CDH13: variants seen among roughly 807,000 people sequenced by gnomAD.
CDH13 encodes cadherin 13, also known as cadherin-13.
Under a neutral mutation model 63.8 loss-of-function variants are expected in CDH13, and 24 were observed. The ratio of observed to expected loss-of-function variants is 0.38; its 90% CI spans 0.27 to 0.53. The LOEUF is 0.53. CDH13 is among the 20% of genes least tolerant of loss of function. The probability of loss-of-function intolerance (pLI) is 0.85; values close to 1 mark genes in which losing one functional copy is unlikely to be tolerated. For synonymous variants in CDH13, 503 were observed against 355.3 expected (o/e 1.42, Z -4.67); for missense variants, 1,049 against 903.1 (o/e 1.16, Z -2.07).
At chr16:83,714,460 G>A (rs2150927580) in intron 10 of CDH13, among the ~76,000 whole-genome samples, 1 of 152,270 alleles carries the variant, frequency 6.6e-6, no homozygotes, top group South Asian at 2.1e-4. Flanking sequence ...TTTCATTAGG[G>A]CATTTGGTAA....
At chr16:83,067,959 C>T (rs1372988236) in intron 3 of CDH13, among the ~76,000 whole-genome samples, 1 of 152,124 alleles carries the variant, frequency 6.6e-6, no homozygotes, top group South Asian at 2.1e-4. Flanking sequence ...CTTAAGAAGC[C>T]TTCACCCTCA....
chr16:83,579,181 T>C (rs1009567119), intron 7 of CDH13, among the ~76,000 whole-genome samples: 2 of 152,220 alleles, frequency 1.3e-5, no homozygotes, highest in African/African-American at 4.8e-5. Flanking sequence ...ATGCCCACTC[T>C]ACCTCACTGT....
At chr16:83,279,637 A>G (rs932501877) in intron 5 of CDH13, among the ~76,000 whole-genome samples, 4 of 152,198 alleles carry the variant, frequency 2.6e-5, no homozygotes, top group Admixed American at 6.5e-5. Context: ...AGTTGAGACA[A>G]TCGGCTATAC....
intron 2 of CDH13, 129 bp downstream of exon 2, chr16:82,858,602 G>A: frequency 2.7e-6 from 2 of 743,988 alleles, no homozygotes; most frequent in Non-Finnish European, 4.7e-6. Context: ...TTATGTCACT[G>A]CTTGACCCAA....
At chr16:83,052,773 T>C (rs56089750) in intron 3 of CDH13, among the ~76,000 whole-genome samples, 72,724 of 107,616 alleles carry the variant, frequency 0.68, 23,215 homozygotes, top group East Asian at 0.87. Context: ...CGAGACTTTA[T>C]CTCAAAAAAA....
At chr16:83,296,035 G>C (rs917593198) in intron 5 of CDH13, among the ~76,000 whole-genome samples, 7 of 152,174 alleles carry the variant, frequency 4.6e-5, no homozygotes, top group Admixed American at 4.6e-4. Flanking sequence ...GTCATTGAAT[G>C]AAATCTCTGT....
intron 6 of CDH13, among the ~76,000 whole-genome samples, chr16:83,384,849 C>G (rs2091641542): frequency 6.6e-6 from 1 of 152,240 alleles, no homozygotes; most frequent in Non-Finnish European, 1.5e-5. Flanking sequence ...TCATTTCCAT[C>G]TATTATATAC....
At chr16:83,151,211 A>G (rs574803569) in intron 4 of CDH13, among the ~76,000 whole-genome samples, 1 of 152,224 alleles carries the variant, frequency 6.6e-6, no homozygotes, top group Non-Finnish European at 1.5e-5. Context: ...AGAGAGACAG[A>G]CACATAATTG....
intron 6 of CDH13, among the ~76,000 whole-genome samples, chr16:83,465,851 T>C (rs2073301202): frequency 6.6e-6 from 1 of 152,240 alleles, no homozygotes; most frequent in Non-Finnish European, 1.5e-5. Flanking sequence ...TATTCTCTCT[T>C]ACTTCCATGC....
In CDH13 at chr16:83,225,105, G is replaced by C. The variant is rs189325179; in HGVS notation, c.636+7608G>C. ...AGGCCTGCTGGATCAGAAACTCTCGGGGTGGGTCTCTCCATCTGGGTTTTA... is the reference window on the plus strand; with the variant it reads ...AGGCCTGCTGGATCAGAAACTCTCGCGGTGGGTCTCTCCATCTGGGTTTTA... On this transcript the variant is annotated intron_variant, in intron 5 of 13. Transcript: ENST00000567109. Among the ~76,000 whole-genome samples the C allele has an allele frequency of 3.9e-3, 592 of 152,236 alleles. 7 individuals are homozygous for C. The highest frequency in any genetic ancestry group is 0.013 in the African/African-American group (524 of 41,534).
chr16:83,090,286 C>T (rs764770802), intron 3 of CDH13, among the ~76,000 whole-genome samples: 3 of 152,038 alleles, frequency 2.0e-5, no homozygotes, highest in East Asian at 1.9e-4. Context: ...CCAAGCCATT[C>T]GTTTGTGGGC....
In CDH13 at chr16:82,738,618, A is replaced by G. The variant is rs1004509967; in HGVS notation, c.45+111481A>G. Among the ~76,000 whole-genome samples, 19 of 152,208 alleles carry G rather than the reference A, an allele frequency of 1.2e-4. 1 individual carries two copies. Among genetic ancestry groups the G allele is most frequent in the Non-Finnish European group, 4.4e-5 (3 of 68,046 alleles). On this transcript the variant is annotated intron_variant, in intron 1 of 13. Coordinates refer to ENST00000567109, the MANE Select transcript of CDH13 (RefSeq NM_001257.5). ...TAACTAAACAGCACTACCTACTAAA[A>G]TAGAAAGATACCTTTCAGGTTCCTG...
At chr16:82,972,725 A>G (rs868300443) in intron 2 of CDH13, among the ~76,000 whole-genome samples, 1 of 152,212 alleles carries the variant, frequency 6.6e-6, no homozygotes, top group Non-Finnish European at 1.5e-5. Context: ...AATCCAAGCC[A>G]TTTGGGTATG....
At chr16:82,923,562 G>C (rs55987006) in intron 2 of CDH13, among the ~76,000 whole-genome samples, 26 of 152,300 alleles carry the variant, frequency 1.7e-4, no homozygotes, top group Middle Eastern at 6.8e-3. Context: ...TGGGGCATCA[G>C]ACAAACCATA....
chr16:83,662,224 G>T (rs1214169669), intron 8 of CDH13, among the ~76,000 whole-genome samples: 2 of 152,180 alleles, frequency 1.3e-5, no homozygotes, highest in Non-Finnish European at 2.9e-5. Context: ...TTTCTCACCT[G>T]TTTAGTAATG....
chr16:83,501,685 G>A (rs537400240), intron 7 of CDH13, among the ~76,000 whole-genome samples: 1 of 152,234 alleles, frequency 6.6e-6, no homozygotes, highest in African/African-American at 2.4e-5. Flanking sequence ...CCTTTCCTGA[G>A]TCACCCACTG....
chr16:83,457,121 C>T (rs2073044660), intron 6 of CDH13, among the ~76,000 whole-genome samples: 5 of 152,182 alleles, frequency 3.3e-5, no homozygotes, highest in Admixed American at 3.3e-4. Flanking sequence ...AACACCTGGG[C>T]ACCGGCCCAA....
intron 7 of CDH13, among the ~76,000 whole-genome samples, chr16:83,516,503 T>C (rs2074701879): frequency 6.6e-6 from 1 of 152,236 alleles, no homozygotes; most frequent in Non-Finnish European, 1.5e-5. Context: ...GAAAGCAATT[T>C]GTGGGAAACA....
At chr16:83,759,452 A>G (rs989765002) in intron 11 of CDH13, among the ~76,000 whole-genome samples, 22 of 152,202 alleles carry the variant, frequency 1.4e-4, no homozygotes, top group Admixed American at 9.2e-4. Flanking sequence ...AGAGAAAAAC[A>G]TATGAGAACA....
Sources: allele counts gnomAD v4.1 joint callset (sites outside exome capture counted in the v4.1 genomes callset), GRCh38; gene constraint gnomAD v4.1.1; transcripts MANE v1.5; gene names NCBI Gene and HGNC (gene_info 2026-07-23, HGNC 2026-07-21).